Variants in GTF2F2 observed in about 807,000 individuals in gnomAD.
GTF2F2 encodes ATP-dependent helicase GTF2F2.
A neutral mutation model predicts 42.2 loss-of-function variants in GTF2F2; 23 were observed. That is an observed-to-expected ratio of 0.55 (90% CI 0.39 to 0.77). GTF2F2 has a LOEUF of 0.77. GTF2F2 is among the 30% of genes least tolerant of loss of function. GTF2F2 has a pLI of 0.00. For missense variants in GTF2F2, 261 were observed against 287.2 expected (o/e 0.91, Z 0.66); for synonymous variants, 105 against 100.8 (o/e 1.04, Z -0.25).
intron 4 of GTF2F2, among the ~76,000 whole-genome samples, chr13:45,184,330 C>T (rs564136478): frequency 9.2e-5 from 14 of 152,018 alleles, no homozygotes; most frequent in African/African-American, 3.4e-4. Context: ...CCTTTTACTT[C>T]ATTAGTAATT....
At chr13:45,261,951 T>C (rs1876360049) in intron 6 of GTF2F2, among the ~76,000 whole-genome samples, 1 of 152,212 alleles carries the variant, frequency 6.6e-6, no homozygotes. Flanking sequence ...CTATAAGTTA[T>C]TAATAACTTA....
At chr13:45,238,944 C>T (rs1198897168) in intron 5 of GTF2F2, among the ~76,000 whole-genome samples, 13 of 74,956 alleles carry the variant, frequency 1.7e-4, no homozygotes, top group Admixed American at 1.1e-3. Flanking sequence ...AATTCCATCT[C>T]GAAAAAAAAA....
chr13:45,263,480 G>A (rs144241993), intron 6 of GTF2F2, among the ~76,000 whole-genome samples: 1,941 of 152,016 alleles, frequency 0.013, 42 homozygotes, highest in African/African-American at 0.041. Context: ...TGCCCACCTC[G>A]GCCTCCCAAA....
chr13:45,137,784 T>C (rs892917553), intron 2 of GTF2F2, among the ~76,000 whole-genome samples: 2 of 152,238 alleles, frequency 1.3e-5, no homozygotes, highest in Non-Finnish European at 2.9e-5. Context: ...GATTCAGTTA[T>C]GGGAAAACAG....
intron 5 of GTF2F2, among the ~76,000 whole-genome samples, chr13:45,232,577 G>A (rs1258367875): frequency 6.6e-6 from 1 of 152,150 alleles, no homozygotes; most frequent in African/African-American, 2.4e-5. Flanking sequence ...TGAGGCTACA[G>A]TGACCTATGA....
At chr13:45,132,190 CATTT>C (rs1331645026) in intron 1 of GTF2F2, among the ~76,000 whole-genome samples, 1 of 152,156 alleles carries the variant, frequency 6.6e-6, no homozygotes, top group Non-Finnish European at 1.5e-5. Flanking sequence ...AAACAACATG[CATTT>C]ATTATTTCAC....
At chr13:45,276,168 A>G (rs1199432491) in intron 7 of GTF2F2, among the ~76,000 whole-genome samples, 1 of 152,180 alleles carries the variant, frequency 6.6e-6, no homozygotes. Flanking sequence ...GAATCCATGG[A>G]CTTGTAACGC....
intron 5 of GTF2F2, chr13:45,220,933 ATGTATG>A (rs1271363672): frequency 5.0e-5 from 7 of 139,002 alleles, no homozygotes; most frequent in African/African-American, 2.0e-4. Flanking sequence ...TCTGCTTAAA[ATGTATG>A]TGTGTGTGTG....
chr13:45,164,001 A>G (rs914584892), intron 4 of GTF2F2, among the ~76,000 whole-genome samples: 9 of 152,198 alleles, frequency 5.9e-5, no homozygotes, highest in African/African-American at 2.2e-4. Context: ...TGAAAATACA[A>G]AAATTAGCCA....
At chr13:45,200,098 T>C (rs994919964) in intron 4 of GTF2F2, among the ~76,000 whole-genome samples, 1 of 152,100 alleles carries the variant, frequency 6.6e-6, no homozygotes, top group Non-Finnish European at 1.5e-5. Context: ...TATTTTGTCT[T>C]GGTGGCACGT....
At chr13:45,197,129 T>A (rs537397400) in intron 4 of GTF2F2, among the ~76,000 whole-genome samples, 8 of 151,876 alleles carry the variant, frequency 5.3e-5, no homozygotes, top group Non-Finnish European at 1.0e-4. Context: ...TAACTGAAGC[T>A]TTGTCTTAGT....
chr13:45,220,288 T>C (rs1399429199), intron 5 of GTF2F2, among the ~76,000 whole-genome samples: 1 of 152,216 alleles, frequency 6.6e-6, no homozygotes, highest in Non-Finnish European at 1.5e-5. Flanking sequence ...GTGCCATTTA[T>C]TACTCATTTG....
intron 4 of GTF2F2, among the ~76,000 whole-genome samples, chr13:45,176,954 T>A (rs1229151793): frequency 2.6e-5 from 4 of 151,636 alleles, no homozygotes; most frequent in Non-Finnish European, 5.9e-5. Flanking sequence ...CGTAGCTAAT[T>A]TTTTTTTGTA....
chr13:45,178,110 A>C (rs1871972676), intron 4 of GTF2F2, among the ~76,000 whole-genome samples: 1 of 152,106 alleles, frequency 6.6e-6, no homozygotes, highest in Non-Finnish European at 1.5e-5. Flanking sequence ...TGCCCTTTAA[A>C]TGTTACTTCT....
At chr13:45,276,039 G>A (rs1251369648) in intron 7 of GTF2F2, among the ~76,000 whole-genome samples, 1 of 152,072 alleles carries the variant, frequency 6.6e-6, no homozygotes, top group African/African-American at 2.4e-5. Context: ...TAATGTAAAT[G>A]CTATGTAAAT....
At chr13:45,272,922 ATTT>A (rs748355143) in intron 7 of GTF2F2, among the ~76,000 whole-genome samples, 1 of 96,316 alleles carries the variant, frequency 1.0e-5, no homozygotes, top group African/African-American at 5.1e-5. Flanking sequence ...CACCTGGCTA[ATTT>A]TTTTTTTTTT....
rs142945601 is a variant in GTF2F2, at chr13:45,202,395, A to G, written c.305-5029A>G. On this transcript the variant is annotated intron_variant, in intron 4 of 7. Transcript: ENST00000340473. Reference sequence around the variant, plus strand: ...GAGCGAGACTCCATCTCAAAACAAAACAAAACAAAAAACTCTTCTTGATCT... The same window carrying G: ...GAGCGAGACTCCATCTCAAAACAAAGCAAAACAAAAAACTCTTCTTGATCT... Among the ~76,000 whole-genome samples the G allele has an allele frequency of 5.7e-3, 871 of 152,214 alleles. 24 individuals are homozygous for G. The highest frequency in any genetic ancestry group is 0.05 in the Admixed American group (770 of 15,288).
chr13:45,164,066 A>G (rs1871154813), intron 4 of GTF2F2, among the ~76,000 whole-genome samples: 1 of 152,006 alleles, frequency 6.6e-6, no homozygotes, highest in Non-Finnish European at 1.5e-5. Flanking sequence ...CTGTAATTCC[A>G]GCCAGGAGTT....
chr13:45,142,261 A>G (rs1176234018), intron 2 of GTF2F2, among the ~76,000 whole-genome samples: 1 of 152,028 alleles, frequency 6.6e-6, no homozygotes. Context: ...CCGCCTCCTG[A>G]GTTCAAGCAA....
Sources: gnomAD v4.1 joint callset for allele counts (sites outside exome capture counted in the v4.1 genomes callset) on GRCh38, gnomAD v4.1.1 for gene constraint, MANE v1.5 for transcripts, NCBI Gene and HGNC (gene_info 2026-07-23, HGNC 2026-07-21) for gene names.